CEP350: variants seen among roughly 807,000 people sequenced by gnomAD.
CEP350 encodes the protein centrosome-associated protein 350.
In CEP350, 126 loss-of-function variants were observed where a neutral mutation model predicts 331.8. The ratio of observed to expected loss-of-function variants is 0.38; its 90% CI spans 0.33 to 0.44. The LOEUF is 0.44. Among genes scored for constraint, CEP350 ranks in the 20% least tolerant of loss-of-function variants. The pLI, the probability that CEP350 is intolerant of heterozygous loss-of-function variation, is 1.00. For synonymous variants in CEP350, 1,200 were observed against 1,259.5 expected, an observed-to-expected ratio of 0.95 and a Z score of 1.00; for missense variants, 3,406 against 3,634.6, an observed-to-expected ratio of 0.94 and a Z score of 1.62.
intron 27 of CEP350, among the ~76,000 whole-genome samples, chr1:180,066,142 A>G (rs909213117): frequency 3.3e-5 from 5 of 152,208 alleles, no homozygotes; most frequent in African/African-American, 7.2e-5. Context: ...CAACTTAGAT[A>G]TAGCTCAGTT....
chr1:179,982,549 T>C (rs1652353492), intron 1 of CEP350, among the ~76,000 whole-genome samples: 1 of 152,208 alleles, frequency 6.6e-6, no homozygotes, highest in Non-Finnish European at 1.5e-5. Flanking sequence ...TCAGCCTTAG[T>C]GTTAGCTAAG....
chr1:180,081,350 TTTC>T (rs1458951019), intron 30 of CEP350, among the ~76,000 whole-genome samples: 1 of 152,246 alleles, frequency 6.6e-6, no homozygotes, highest in Non-Finnish European at 1.5e-5. Context: ...ACAGCTCTTC[TTTC>T]TTCTTTGAGT....
Position 180,075,226 on chromosome 1 carries a change from T to C in CEP350, c.5767+5T>C. The C allele has an allele frequency of 6.2e-7, 1 of 1,602,988 alleles. No homozygotes were observed. Among genetic ancestry groups the C allele is most frequent in the Non-Finnish European group, 8.5e-7 (1 of 1,173,946 alleles). ...ACCAGAGAACAGAACAGAAAGGTAA[T>C]AAATACTAACTCTGTTCACACTACA... On this transcript the variant is annotated splice_donor_5th_base_variant and intron_variant, in intron 28 of 37. Coordinates refer to ENST00000367607, the MANE Select transcript of CEP350 (RefSeq NM_014810.5).
At chr1:180,104,012 CA>C (rs1572007749) in intron 37 of CEP350, among the ~76,000 whole-genome samples, 2 of 143,586 alleles carry the variant, frequency 1.4e-5, no homozygotes, top group African/African-American at 5.1e-5. Context: ...AAAATATATA[CA>C]AATATATATT....
chr1:180,080,400 A>G, intron 29 of CEP350, 117 bp from the exon 30 acceptor site: 1 of 880,296 alleles, frequency 1.1e-6, no homozygotes, highest in Middle Eastern at 2.6e-4. Flanking sequence ...TTATGTCTTA[A>G]CAGTTATCTT....
At chr1:180,007,839 CGTGTGTGTGTGTGT>C (rs71118426) in intron 8 of CEP350, among the ~76,000 whole-genome samples, 9 of 140,906 alleles carry the variant, frequency 6.4e-5, no homozygotes, top group African/African-American at 1.8e-4. Context: ...TTTTATGTAT[CGTGTGTGTGTGTGT>C]GTGTGTGTGT....
Position 180,020,194 on chromosome 1 carries a change from C to T in CEP350, c.2420C>T (p.Thr807Ile), listed in dbSNP as rs943627477. ...TATGTGACCTCACCAGCTGCTTATA[C>T]AGATGCCTTGTTAAAACCTAGTGCC... The part of the protein sequence containing the change: ...QPYVTSPAAY[T>I]DALLKPSASQ... The change falls in exon 12 of 38, where the codon ACA becomes ATA. Residue 807 changes from threonine (T) to isoleucine (I), a missense_variant. Thr to Ile is a moderately conservative substitution (Grantham distance 89, BLOSUM62 -1). Coordinates refer to ENST00000367607, the MANE Select transcript of CEP350 (RefSeq NM_014810.5). 3.7e-6 allele frequency: 6 copies of T among 1,613,912 alleles called. No individual in the cohort carries two copies. The highest frequency in any genetic ancestry group is 1.3e-5 in the African/African-American group (1 of 74,944).
chr1:180,090,819 T>C, intron 33 of CEP350, 23 bp downstream of exon 33: 1 of 1,524,478 alleles, frequency 6.6e-7, no homozygotes, highest in Non-Finnish European at 8.8e-7. Context: ...AAAAAATAAT[T>C]AACTTGTAGC....
chr1:180,057,416 A>G (rs1181566485), intron 25 of CEP350, among the ~76,000 whole-genome samples: 1 of 150,282 alleles, frequency 6.7e-6, no homozygotes, highest in Non-Finnish European at 1.5e-5. Context: ...TTCTTTTTCT[A>G]CTTATTATCC....
In CEP350 at chr1:180,078,665, T is replaced by C. The variant is rs779140046; in HGVS notation, c.5970T>C (p.Pro1990=). 1 of 1,603,116 alleles carries C rather than the reference T, an allele frequency of 6.2e-7. No homozygotes were observed. The highest frequency in any genetic ancestry group is 8.5e-7 in the Non-Finnish European group (1 of 1,174,354). Residue 1990 remains proline (P), a synonymous_variant, in exon 29 of 38, where the codon CCT becomes CCC. Coordinates refer to ENST00000367607, the MANE Select transcript of CEP350 (RefSeq NM_014810.5). The part of the protein sequence containing the change: ...CSQELESSTS[P]SKHSLPKSCT... ...AGGAACTAGAATCTTCTACCTCTCC[T>C]AGTAAACATGTAAGTTAATGTATAT...
chr1:180,034,187 C>T (rs1356719085), intron 16 of CEP350, 105 bp downstream of exon 16: 6 of 1,281,852 alleles, frequency 4.7e-6, no homozygotes, highest in Non-Finnish European at 6.3e-6. Context: ...AATATTATTT[C>T]AAGTGAATAT....
At chr1:180,092,497 T>C (rs1317320120) in intron 33 of CEP350, 117 bp from the exon 34 acceptor site, 3 of 601,344 alleles carry the variant, frequency 5.0e-6, no homozygotes, top group Non-Finnish European at 8.4e-6. Flanking sequence ...ACAGGTCATA[T>C]TTATTGACTA....
chr1:180,043,953 TG>T, intron 20 of CEP350, 97 bp from the exon 21 acceptor site: 1 of 1,024,248 alleles, frequency 9.8e-7, no homozygotes, highest in East Asian at 2.8e-5. Context: ...AATATCTATT[TG>T]TTCAAGATTT....
chr1:180,110,241 A>G (rs1661399119), intron 37 of CEP350, among the ~76,000 whole-genome samples: 2 of 152,352 alleles, frequency 1.3e-5, no homozygotes, highest in African/African-American at 2.4e-5. Flanking sequence ...ATCCATATAC[A>G]GATGTCCCCT....
At chr1:180,039,693 T>C (rs1656628404) in intron 17 of CEP350, among the ~76,000 whole-genome samples, 1 of 152,200 alleles carries the variant, frequency 6.6e-6, no homozygotes, top group African/African-American at 2.4e-5. Context: ...AATCAAGACA[T>C]AATTCCTCCA....
intron 27 of CEP350, among the ~76,000 whole-genome samples, chr1:180,069,597 G>A (rs1658766292): frequency 1.3e-5 from 2 of 152,064 alleles, no homozygotes; most frequent in Non-Finnish European, 1.5e-5. Flanking sequence ...ATCATGTGCT[G>A]TATTATTTTG....
rs1237321063 is a variant in CEP350, at chr1:180,020,391, T to C, written c.2617T>C (p.Trp873Arg). The stretch of plus-strand genomic sequence containing the variant: ...GCAGGCACCTCAAGAAGATGGACCT[T>C]GGACCAAGGCTGTAACTCCACCTGT... ...VQQAPQEDGP[W>R]TKAVTPPVKD... Residue 873 changes from tryptophan (W) to arginine (R), a missense_variant, in exon 12 of 38, where the codon TGG (tryptophan) becomes CGG (arginine). Trp to Arg is a moderately radical substitution (Grantham distance 101). Coordinates refer to ENST00000367607, the MANE Select transcript of CEP350 (RefSeq NM_014810.5). The C allele has an allele frequency of 3.1e-6, 5 of 1,613,740 alleles. No homozygotes were observed. The highest frequency in any genetic ancestry group is 4.2e-6 in the Non-Finnish European group (5 of 1,179,904).
chr1:179,981,433 T>A (rs1383469640), intron 1 of CEP350, among the ~76,000 whole-genome samples: 4 of 152,220 alleles, frequency 2.6e-5, no homozygotes, highest in Admixed American at 6.5e-5. Context: ...AAAGGCCTTA[T>A]GCAAATTGAG....
chr1:180,023,143 TATG>T (rs2148844978), intron 13 of CEP350, among the ~76,000 whole-genome samples: 1 of 152,178 alleles, frequency 6.6e-6, no homozygotes, highest in Admixed American at 6.5e-5. Context: ...ATAGAGTTGT[TATG>T]AGTATTAAAT....
Sources: allele counts gnomAD v4.1 joint callset (sites outside exome capture counted in the v4.1 genomes callset), GRCh38; gene constraint gnomAD v4.1.1; transcripts MANE v1.5; gene names NCBI Gene and HGNC (gene_info 2026-07-23, HGNC 2026-07-21).